PCDHA11: variants seen among roughly 807,000 people sequenced by gnomAD.
PCDHA11 encodes the protein protocadherin alpha-11.
In PCDHA11, 61 loss-of-function variants were observed where a neutral mutation model predicts 70.3. The ratio of observed to expected loss-of-function variants is 0.87; its 90% confidence interval spans 0.71 to 1.07. PCDHA11 has a LOEUF of 1.07. Among genes scored for constraint, PCDHA11 ranks in the 50% least tolerant of loss-of-function variants. The probability of loss-of-function intolerance (pLI) is 0.00; values close to 1 mark genes in which losing one functional copy is unlikely to be tolerated. For synonymous variants in PCDHA11, 633 were observed against 555.1 expected, an observed-to-expected ratio of 1.14 and a Z score of -1.97; for missense variants, 1,324 against 1,237.5, an observed-to-expected ratio of 1.07 and a Z score of -1.05.
rs199741530 is a variant in PCDHA11, at chr5:140,871,314, G to C, written c.2211G>C (p.Thr737=). The change falls in exon 1 of 4, where the codon ACG becomes ACC. Residue 737 remains threonine, a synonymous_variant. Transcript: ENST00000398640. ...TEGACAPGKP[T]LVCSRAVGSW... ...GCGCGTGCGCGCCGGGGAAGCCCAC[G>C]CTGGTGTGCTCCCGCGCGGTGGGGA... 1.9e-6 allele frequency: 3 copies of C among 1,614,048 alleles called. No homozygotes were observed. The highest frequency in any genetic ancestry group is 3.3e-5 in the Admixed American group (2 of 60,018).
chr5:140,871,272 G>A lies in PCDHA11; in HGVS notation c.2169G>A (p.Ser723=). The A allele has an allele frequency of 1.2e-6, 2 of 1,613,942 alleles. No homozygotes were observed. The highest frequency in any genetic ancestry group is 2.2e-5 in the South Asian group (2 of 91,086). The change falls in exon 1 of 4, where the codon TCG becomes TCA. Residue 723 remains serine, a synonymous_variant. Coordinates refer to ENST00000398640, the MANE Select transcript of PCDHA11 (RefSeq NM_018902.5). ...TLLLYTALWW[S]ATPTEGACAP... ...TGCTGTATACGGCGCTGTGGTGGTC[G>A]GCAACGCCCACTGAGGGCGCGTGCG...
intron 1 of PCDHA11, among the ~76,000 whole-genome samples, chr5:140,925,071 C>T (rs1554202476): frequency 6.8e-6 from 1 of 148,058 alleles, no homozygotes; most frequent in Non-Finnish European, 1.5e-5. Context: ...CAAAGCAACA[C>T]GCTCATCTGG....
At chr5:140,920,412 ACAGCTGTTCTC>A (rs1294144005) in intron 1 of PCDHA11, among the ~76,000 whole-genome samples, 2 of 152,146 alleles carry the variant, frequency 1.3e-5, no homozygotes, top group African/African-American at 4.8e-5. Context: ...TTAATCAGAT[ACAGCTGTTCTC>A]CCACACACCT....
chr5:140,999,505 A>C (rs1221080631), intron 3 of PCDHA11, among the ~76,000 whole-genome samples: 3 of 152,134 alleles, frequency 2.0e-5, no homozygotes, highest in African/African-American at 7.2e-5. Flanking sequence ...AAGAACCTAC[A>C]TTTTAAGCAT....
intron 1 of PCDHA11, among the ~76,000 whole-genome samples, chr5:140,926,128 C>CGCAGCAGGATCCAGCGCGGAAAGCTCT (rs1157627097): frequency 6.6e-6 from 1 of 152,162 alleles, no homozygotes; most frequent in Non-Finnish European, 1.5e-5. Context: ...GACTTCAACC[C>CGCAGCAGGATCCAGCGCGGAAAGCTCT]GCAGCAGGAT....
intron 1 of PCDHA11, chr5:140,967,037 G>C (rs1429896772): frequency 2.5e-6 from 4 of 1,611,378 alleles, no homozygotes; most frequent in South Asian, 1.1e-5. Flanking sequence ...GCGCTACCTG[G>C]AGCTGGACCT....
At chr5:140,990,542 C>T (rs2097399330) in intron 3 of PCDHA11, among the ~76,000 whole-genome samples, 1 of 152,180 alleles carries the variant, frequency 6.6e-6, no homozygotes, top group South Asian at 2.1e-4. Context: ...ATCATAGATA[C>T]TGTATTACCC....
At chr5:140,887,539 C>T in intron 1 of PCDHA11, among the ~76,000 whole-genome samples, 1 of 152,082 alleles carries the variant, frequency 6.6e-6, no homozygotes, top group East Asian at 1.9e-4. Flanking sequence ...CCTCTCCCCA[C>T]CCCTCATGGT....
chr5:140,870,972 G>A lies in PCDHA11; in HGVS notation c.1869G>A (p.Val623=). 2 of 1,613,640 alleles carry A rather than the reference G, an allele frequency of 1.2e-6. No individual in the cohort carries two copies. The highest frequency in any genetic ancestry group is 1.7e-6 in the Non-Finnish European group (2 of 1,179,888). ...GCGGCTCGCGCATCCCGTTCCGCGT[G>A]GGGCTGTACACGGGCGAGATAAGCA... ...AAGGSRIPFR[V]GLYTGEISTT... is the part of the protein sequence containing the mutation. Residue 623 remains valine, a synonymous_variant, in exon 1 of 4, where the codon GTG becomes GTA. Transcript: ENST00000398640.
At position 141,009,870 on chromosome 5, in the gene PCDHA11, A is replaced by G. The variant is rs1554262513; in HGVS notation, c.2783A>G (p.Lys928Arg). 1.9e-6 allele frequency: 3 copies of G among 1,614,114 alleles called. No homozygotes were observed. Among genetic ancestry groups the G allele is most frequent in the South Asian group, 2.2e-5 (2 of 91,074 alleles). ...GAGACCAAGAAAAAGAAGAAAAAGA[A>G]GAAGGGTAACAAGACCCAGGAGAAA... ...KEETKKKKKK[K>R]KGNKTQEKKE... The change falls in exon 4 of 4, where the codon AAG (lysine) becomes AGG (arginine). Residue 928 changes from lysine to arginine, a missense_variant. Physicochemically the swap from Lys to Arg is conservative, Grantham distance 26. Coordinates refer to ENST00000398640, the MANE Select transcript of PCDHA11 (RefSeq NM_018902.5).
intron 1 of PCDHA11, chr5:140,928,916 G>A (rs1287378711): frequency 5.0e-6 from 8 of 1,613,988 alleles, no homozygotes; most frequent in East Asian, 2.2e-5. Flanking sequence ...GAACCAGGAG[G>A]GCAGCTTTCT....
At chr5:141,002,184 T>A (rs1554258557) in intron 3 of PCDHA11, among the ~76,000 whole-genome samples, 1 of 152,218 alleles carries the variant, frequency 6.6e-6, no homozygotes, top group East Asian at 1.9e-4. Flanking sequence ...CAGAGTGCTG[T>A]CTGGCAAGAT....
intron 1 of PCDHA11, among the ~76,000 whole-genome samples, chr5:140,971,368 G>A (rs1433220574): frequency 1.3e-5 from 2 of 152,186 alleles, no homozygotes; most frequent in Non-Finnish European, 2.9e-5. Context: ...TGCCAGGAGA[G>A]TGCATGACTT....
chr5:140,941,191 T>TTTTTTC (rs1554213809), intron 1 of PCDHA11, among the ~76,000 whole-genome samples: 1 of 93,206 alleles, frequency 1.1e-5, no homozygotes, highest in African/African-American at 3.9e-5. Context: ...GCTTCTTTTT[T>TTTTTTC]TTTCTTTCTT....
intron 3 of PCDHA11, among the ~76,000 whole-genome samples, chr5:140,999,672 C>T (rs2153958475): frequency 6.6e-6 from 1 of 152,214 alleles, no homozygotes; most frequent in South Asian, 2.1e-4. Context: ...TTGCGGGGGG[C>T]TCACAGAAAG....
chr5:140,987,904 G>A (rs115515462), intron 3 of PCDHA11, among the ~76,000 whole-genome samples: 1 of 151,734 alleles, frequency 6.6e-6, no homozygotes, highest in African/African-American at 2.4e-5. Context: ...TTTTATATGG[G>A]GATTTATATT....
At chr5:140,969,069 T>C in intron 1 of PCDHA11, 1 of 1,614,160 alleles carries the variant, frequency 6.2e-7, no homozygotes, top group Non-Finnish European at 8.5e-7. Context: ...GATGCCAGGA[T>C]ACCGCATGGC....
chr5:140,933,137 A>C (rs1378585369), intron 1 of PCDHA11, among the ~76,000 whole-genome samples: 1 of 151,994 alleles, frequency 6.6e-6, no homozygotes, highest in African/African-American at 2.4e-5. Context: ...ATAAAGGTAG[A>C]TAGCCACTCA....
chr5:141,006,384 T>C, intron 3 of PCDHA11, among the ~76,000 whole-genome samples: 2 of 152,126 alleles, frequency 1.3e-5, no homozygotes, highest in South Asian at 4.2e-4. Flanking sequence ...GCTAAGTTTT[T>C]TCTATTTTTT....
Sources: gnomAD v4.1 joint callset for allele counts (sites outside exome capture counted in the v4.1 genomes callset) on GRCh38, gnomAD v4.1.1 for gene constraint, MANE v1.5 for transcripts, NCBI Gene and HGNC (gene_info 2026-07-23, HGNC 2026-07-21) for gene names.